BBS9: variants seen among roughly 807,000 people sequenced by gnomAD.
The protein encoded by BBS9 is protein PTHB1.
A neutral mutation model predicts 117.7 loss-of-function variants in BBS9; 89 were observed. The ratio of observed to expected loss-of-function variants is 0.76; its 90% CI spans 0.64 to 0.90. The LOEUF (loss-of-function observed/expected upper bound fraction) is 0.90. BBS9 is among the 40% of genes least tolerant of loss of function. The pLI, the probability that BBS9 is intolerant of heterozygous loss-of-function variation, is 0.00. For synonymous variants in BBS9, 379 were observed against 370.9 expected (o/e 1.02, Z -0.25); for missense variants, 982 against 1,042.2 (o/e 0.94, Z 0.80).
intron 20 of BBS9, among the ~76,000 whole-genome samples, chr7:33,526,912 A>T (rs1440587443): frequency 6.7e-6 from 1 of 148,980 alleles, no homozygotes; most frequent in East Asian, 2.0e-4. Flanking sequence ...ATGGTGATGT[A>T]CAGATGGGTT....
At chr7:33,416,530 A>G (rs990987912) in intron 19 of BBS9, among the ~76,000 whole-genome samples, 2 of 152,058 alleles carry the variant, frequency 1.3e-5, no homozygotes, top group African/African-American at 4.8e-5. Flanking sequence ...AGGGGGCTCT[A>G]TTGCATGGAG....
At chr7:33,541,909 A>G (rs1339736077) in intron 21 of BBS9, among the ~76,000 whole-genome samples, 1 of 152,180 alleles carries the variant, frequency 6.6e-6, no homozygotes, top group African/African-American at 2.4e-5. Context: ...TGTGTATTTT[A>G]AAAGGGTAAG....
intron 21 of BBS9, among the ~76,000 whole-genome samples, chr7:33,598,614 A>G (rs1006188218): frequency 6.6e-6 from 1 of 152,238 alleles, no homozygotes; most frequent in Non-Finnish European, 1.5e-5. Context: ...AATTCTCTGT[A>G]CTAGCTGATA....
At chr7:33,611,683 TTAA>T (rs1864878552) in intron 21 of BBS9, among the ~76,000 whole-genome samples, 1 of 137,538 alleles carries the variant, frequency 7.3e-6, no homozygotes, top group Non-Finnish European at 1.5e-5. Context: ...TAATCCTTAA[TTAA>T]TAATTAATAT....
chr7:33,160,176 GC>G (rs1428213420), intron 4 of BBS9, among the ~76,000 whole-genome samples: 2 of 152,136 alleles, frequency 1.3e-5, no homozygotes, highest in Non-Finnish European at 2.9e-5. Flanking sequence ...CTTCTATAAA[GC>G]CTATCATGAG....
intron 20 of BBS9, among the ~76,000 whole-genome samples, chr7:33,527,481 G>T (rs1322067378): frequency 1.3e-5 from 2 of 152,336 alleles, no homozygotes; most frequent in African/African-American, 2.4e-5. Flanking sequence ...TCTGAAAAGC[G>T]CAATATTCGG....
intron 21 of BBS9, among the ~76,000 whole-genome samples, chr7:33,536,104 TG>T (rs1851321879): frequency 1.3e-5 from 2 of 152,036 alleles, no homozygotes; most frequent in African/African-American, 4.8e-5. Context: ...GAGAAAGAAA[TG>T]AAAAGAAGAA....
chr7:33,250,263 A>G (rs1796021007), intron 5 of BBS9, among the ~76,000 whole-genome samples: 1 of 152,200 alleles, frequency 6.6e-6, no homozygotes, highest in Admixed American at 6.5e-5. Flanking sequence ...ACTAAAAATT[A>G]TAACTAATAA....
chr7:33,367,699 G>T, intron 16 of BBS9, 68 bp from the exon 17 acceptor site: 1 of 1,300,404 alleles, frequency 7.7e-7, no homozygotes, highest in Non-Finnish European at 1.1e-6. Context: ...TTCAACTAAG[G>T]TTCCTATTTC....
At position 33,419,129 on chromosome 7, in the gene BBS9, C is replaced by T. The variant is rs1026634309; in HGVS notation, c.2115+30985C>T. Among the ~76,000 whole-genome samples, 6 of 152,038 alleles carry T rather than the reference C, an allele frequency of 3.9e-5. No homozygotes were observed. In the East Asian group the frequency reaches 9.7e-4, roughly 24 times the overall value. On this transcript the variant is annotated intron_variant, in intron 19 of 22. Coordinates refer to ENST00000242067, the MANE Select transcript of BBS9 (RefSeq NM_198428.3). ...TCTTGTTTAAAACCTATAATTTAAG[C>T]TCAAACTGTAGTAAGGTCTTGAGTA...
intron 1 of BBS9, among the ~76,000 whole-genome samples, chr7:33,142,123 G>A (rs570379274): frequency 1.1e-3 from 173 of 152,014 alleles, no homozygotes; most frequent in African/African-American, 3.7e-3. Flanking sequence ...GGGTTTCACC[G>A]TGTTAGCCAA....
chr7:33,605,030 C>G (rs780431878), intron 22 of BBS9, 55 bp downstream of exon 22: 2 of 1,519,250 alleles, frequency 1.3e-6, no homozygotes, highest in Non-Finnish European at 1.8e-6. Context: ...CAGTGACAAT[C>G]TGGTCAGTTT....
downstream of BBS9, among the ~76,000 whole-genome samples, chr7:33,608,440 T>C (rs898606667): frequency 2.0e-5 from 3 of 152,102 alleles, no homozygotes; most frequent in Non-Finnish European, 2.9e-5. Context: ...TAGTTCTAAG[T>C]TCTTTGAGAA....
At chr7:33,504,125 A>G (rs935502234) in intron 19 of BBS9, among the ~76,000 whole-genome samples, 1 of 152,162 alleles carries the variant, frequency 6.6e-6, no homozygotes, top group Admixed American at 6.5e-5. Context: ...TTTGAATGTA[A>G]TTGGGGAGTA....
intron 9 of BBS9, among the ~76,000 whole-genome samples, chr7:33,303,633 C>T (rs73313134): frequency 0.082 from 12,425 of 150,808 alleles, 548 homozygotes; most frequent in South Asian, 0.13. Flanking sequence ...ATTCACCTGC[C>T]GAGTGTCTGG....
intron 19 of BBS9, among the ~76,000 whole-genome samples, chr7:33,501,815 A>C (rs78844809): frequency 6.6e-6 from 1 of 152,148 alleles, no homozygotes. Flanking sequence ...GAGTTAAGTG[A>C]ATGCTTTCAC....
Position 33,146,229 on chromosome 7 carries a change from G to A in BBS9, c.-11-13G>A. On this transcript the variant is annotated splice_polypyrimidine_tract_variant and intron_variant, in intron 1 of 22. Coordinates refer to ENST00000242067, the MANE Select transcript of BBS9 (RefSeq NM_198428.3). ...TAGTGTGAAGTAGATTATTATAAATGTTTTCTTTTTAGTGTGAAAGAAAAT... is the reference window on the plus strand; with the variant it reads ...TAGTGTGAAGTAGATTATTATAAATATTTTCTTTTTAGTGTGAAAGAAAAT... The A allele has an allele frequency of 6.5e-7, 1 of 1,528,844 alleles. No individual in the cohort carries two copies. The highest frequency in any genetic ancestry group is 2.2e-5 in the East Asian group (1 of 44,472). 94.7% of individuals were successfully genotyped at this position (1,528,844 alleles called of 1,614,324 possible). A position where few individuals can be genotyped will look rare whatever the true frequency, so the allele number is the denominator to read the frequency against.
intron 21 of BBS9, among the ~76,000 whole-genome samples, chr7:33,570,408 A>G (rs750187509): frequency 8.5e-5 from 13 of 152,200 alleles, no homozygotes; most frequent in Admixed American, 5.2e-4. Context: ...ATATGAACCC[A>G]TACTGATATA....
chr7:33,491,773 A>G (rs1214682277), intron 19 of BBS9, among the ~76,000 whole-genome samples: 19 of 152,270 alleles, frequency 1.2e-4, no homozygotes. Flanking sequence ...TAAGTATTTT[A>G]TATACAAAAT....
Sources: allele counts gnomAD v4.1 joint callset (sites outside exome capture counted in the v4.1 genomes callset), GRCh38; gene constraint gnomAD v4.1.1; transcripts MANE v1.5; gene names NCBI Gene and HGNC (gene_info 2026-07-23, HGNC 2026-07-21).